Variants in PTTG1IP observed in about 807,000 individuals in gnomAD.
PTTG1IP encodes pituitary tumor-transforming gene 1 protein-interacting protein.
PTTG1IP carries 16 observed loss-of-function variants against 24.4 expected under a neutral mutation model. The ratio of observed to expected loss-of-function variants is 0.66; its 90% CI spans 0.44 to 1.00. The LOEUF is 1.00. PTTG1IP is among the 50% of genes least tolerant of loss of function. PTTG1IP has a pLI of 0.00. For missense variants in PTTG1IP, 241 were observed against 245.8 expected (o/e 0.98, Z 0.13); for synonymous variants, 89 against 96.8 (o/e 0.92, Z 0.47).
At position 44,873,607 on chromosome 21, in the gene PTTG1IP, CG is replaced by C; in HGVS notation, c.9del (p.Gly4GlufsTer49). The C allele has an allele frequency of 7.0e-7, 1 of 1,436,240 alleles. No homozygotes were observed. Among genetic ancestry groups the C allele is most frequent in the Non-Finnish European group, 9.1e-7 (1 of 1,096,976 alleles). The allele number at this position is 1,436,240 out of a possible 1,614,324, so 89.0% of individuals were successfully genotyped here. On this transcript the variant is annotated frameshift_variant, in exon 1 of 6. Coordinates refer to ENST00000330938, the MANE Select transcript of PTTG1IP (RefSeq NM_004339.4). LOFTEE classifies it high-confidence loss of function. Reference protein sequence around the residue: MAPGVARGPTPYW... With the variant: MAXGVARGPTPYW... Reference sequence around the variant, plus strand: ...TACGGCGTCGGCCCGCGGGCCACTCCGGGCGCCATGGTCGGCCGGTCGCTCT... The same window carrying C: ...TACGGCGTCGGCCCGCGGGCCACTCCGGCGCCATGGTCGGCCGGTCGCTCT...
chr21:44,858,778 A>G (rs1295079479), intron 3 of PTTG1IP, among the ~76,000 whole-genome samples: 1 of 152,228 alleles, frequency 6.6e-6, no homozygotes, highest in Non-Finnish European at 1.5e-5. Flanking sequence ...GGTGCTCAGC[A>G]CGATCGGCTA....
chr21:44,872,486 A>C (rs1178136752), intron 1 of PTTG1IP, among the ~76,000 whole-genome samples: 1 of 152,120 alleles, frequency 6.6e-6, no homozygotes, highest in Non-Finnish European at 1.5e-5. Context: ...CAGGAAACTG[A>C]AGTTAAGGTG....
intron 2 of PTTG1IP, among the ~76,000 whole-genome samples, chr21:44,864,994 C>T (rs1036047288): frequency 6.6e-6 from 1 of 152,222 alleles, no homozygotes; most frequent in Non-Finnish European, 1.5e-5. Context: ...TGCTGTGCCC[C>T]TTCCAATCCT....
Position 44,851,620 on chromosome 21 carries a change from A to G in PTTG1IP, c.504T>C (p.Phe168=), listed in dbSNP as rs1311534111. 10 of 1,580,116 alleles carry G rather than the reference A, an allele frequency of 6.3e-6. No homozygotes were observed. Among genetic ancestry groups the G allele is most frequent in the Admixed American group, 1.7e-5 (1 of 57,460 alleles). The change falls in exon 6 of 6, where the codon TTT becomes TTC. Residue 168 remains phenylalanine, a synonymous_variant. Transcript: ENST00000330938. ...ATCTAGCATACGGGTTTTCTTCTTT[A>G]AACAGGCCTGAAACAAAATAAACTT... ...HDEIRKKYGL[F]KEENPYARFE...
rs763391664 is a variant in PTTG1IP, at chr21:44,856,327, G to A, written c.315C>T (p.Val105=). 6.4e-5 allele frequency: 104 copies of A among 1,613,892 alleles called. No homozygotes were observed. Among genetic ancestry groups the A allele is most frequent in the Non-Finnish European group, 8.3e-5 (98 of 1,179,946 alleles). ...FEALIITMSV[V]GGTLLLGIAI... ...CAATGCCCAGGAGGAGGGTTCCCCC[G>A]ACTACCGACATGGTGATGATCAGCG... The change falls in exon 4 of 6, where the codon GTC becomes GTT. Residue 105 remains valine (V), a synonymous_variant. Coordinates refer to ENST00000330938, the MANE Select transcript of PTTG1IP (RefSeq NM_004339.4).
chr21:44,867,588 G>C (rs910323248), intron 1 of PTTG1IP, among the ~76,000 whole-genome samples: 4 of 152,240 alleles, frequency 2.6e-5, no homozygotes, highest in East Asian at 3.8e-4. Flanking sequence ...CTGAACTCTG[G>C]TCCCTGACAG....
chr21:44,860,229 C>T (rs905388293), intron 3 of PTTG1IP, among the ~76,000 whole-genome samples: 7 of 152,082 alleles, frequency 4.6e-5, no homozygotes, highest in Non-Finnish European at 5.9e-5. Context: ...ATTAGCCGGA[C>T]GTGGTGGCGG....
chr21:44,873,658 C>G lies in PTTG1IP; in HGVS notation c.-42G>C. 1 of 1,335,100 alleles carries G rather than the reference C, an allele frequency of 7.5e-7. No individual in the cohort carries two copies. Among genetic ancestry groups the G allele is most frequent in the South Asian group, 1.8e-5 (1 of 55,802 alleles). 82.7% of individuals were successfully genotyped at this position (1,335,100 alleles called of 1,614,324 possible). A position where few individuals can be genotyped will look rare whatever the true frequency, so the allele number is the denominator to read the frequency against. The stretch of plus-strand genomic sequence containing the variant: ...TATCAGTCAGTGGAGCGTTACAACT[C>G]CGACTCCAGCACAAGCGGTCTCCGC... On this transcript the variant is annotated 5_prime_UTR_variant, in exon 1 of 6. Transcript: ENST00000330938.
chr21:44,866,680 A>AAC (rs34646417), intron 1 of PTTG1IP, among the ~76,000 whole-genome samples: 24,368 of 144,900 alleles, frequency 0.17, 2,244 homozygotes, highest in South Asian at 0.29. Flanking sequence ...CCAATCCCAT[A>AAC]ACACACACAC....
At chr21:44,872,213 AG>A (rs2083592446) in intron 1 of PTTG1IP, among the ~76,000 whole-genome samples, 1 of 152,240 alleles carries the variant, frequency 6.6e-6, no homozygotes, top group Non-Finnish European at 1.5e-5. Context: ...CTGGGCCAAA[AG>A]TTCCCAGTAC....
intron 5 of PTTG1IP, among the ~76,000 whole-genome samples, chr21:44,853,731 C>G (rs934981441): frequency 1.3e-5 from 2 of 151,958 alleles, no homozygotes; most frequent in African/African-American, 2.4e-5. Flanking sequence ...CGGGAAACAA[C>G]AGGCGACAGA....
chr21:44,862,264 T>C (rs1386780711), intron 2 of PTTG1IP, among the ~76,000 whole-genome samples: 1 of 152,224 alleles, frequency 6.6e-6, no homozygotes, highest in African/African-American at 2.4e-5. Flanking sequence ...CTCACGCCTG[T>C]AATCCCAGCA....
At chr21:44,869,534 G>A (rs931009648) in intron 1 of PTTG1IP, among the ~76,000 whole-genome samples, 6 of 152,156 alleles carry the variant, frequency 3.9e-5, no homozygotes, top group East Asian at 3.9e-4. Flanking sequence ...CCTGGCCTCC[G>A]GCAATCCTCC....
intron 2 of PTTG1IP, among the ~76,000 whole-genome samples, chr21:44,863,018 GAAGT>G (rs1388889291): frequency 6.6e-6 from 1 of 151,308 alleles, no homozygotes; most frequent in African/African-American, 2.5e-5. Flanking sequence ...TCTGATCGAT[GAAGT>G]AATATGCACA....
intron 2 of PTTG1IP, among the ~76,000 whole-genome samples, chr21:44,863,625 A>T (rs2083511668): frequency 6.6e-6 from 1 of 152,134 alleles, no homozygotes; most frequent in Non-Finnish European, 1.5e-5. Flanking sequence ...GCAAAAACGC[A>T]CTCTAGGCTA....
In PTTG1IP at chr21:44,856,197, C is replaced by G. The variant is rs2083448158; in HGVS notation, c.445G>C (p.Glu149Gln). 2.5e-6 allele frequency: 4 copies of G among 1,614,168 alleles called. No individual in the cohort carries two copies. Among genetic ancestry groups the G allele is most frequent in the Non-Finnish European group, 3.4e-6 (4 of 1,180,010 alleles). Residue 149 changes from glutamate to glutamine, a missense_variant, in exon 4 of 6, where the codon GAA (glutamate) becomes CAA (glutamine). By Grantham distance (29) the Glu-to-Gln change is conservative. Coordinates refer to ENST00000330938, the MANE Select transcript of PTTG1IP (RefSeq NM_004339.4). ...EREERRIRQEERRAEMKTRHD... is the reference protein window; with the variant it reads ...EREERRIRQEQRRAEMKTRHD... Reference sequence around the variant, plus strand: ...CGGGCATCACCACCACCTCACCGTTCCTCCTGCCGTATCCGCCTCTCCTCC... The same window carrying G: ...CGGGCATCACCACCACCTCACCGTTGCTCCTGCCGTATCCGCCTCTCCTCC...
At position 44,850,530 on chromosome 21, in the gene PTTG1IP, C is replaced by A. The variant is rs1212466814; in HGVS notation, c.*1051G>T. ...CCATGAGGCAGAAGGAGCACCAGCGCCTGCTGGGTGGTGTGGGGAGAGCCC... is the reference window on the plus strand; with the variant it reads ...CCATGAGGCAGAAGGAGCACCAGCGACTGCTGGGTGGTGTGGGGAGAGCCC... On this transcript the variant is annotated 3_prime_UTR_variant, in exon 6 of 6. Coordinates refer to ENST00000330938, the MANE Select transcript of PTTG1IP (RefSeq NM_004339.4). 1 of 152,332 alleles carries A rather than the reference C, an allele frequency of 6.6e-6. No individual in the cohort carries two copies. Among genetic ancestry groups the A allele is most frequent in the Non-Finnish European group, 1.5e-5 (1 of 68,104 alleles). The allele number at this position is 152,332 out of a possible 1,614,324, so 9.4% of individuals were successfully genotyped here. A position where few individuals can be genotyped will look rare whatever the true frequency, so the allele number is the denominator to read the frequency against.
At chr21:44,860,229 C>A (rs905388293) in intron 3 of PTTG1IP, among the ~76,000 whole-genome samples, 1 of 152,082 alleles carries the variant, frequency 6.6e-6, no homozygotes, top group East Asian at 1.9e-4. Context: ...ATTAGCCGGA[C>A]GTGGTGGCGG....
intron 5 of PTTG1IP, among the ~76,000 whole-genome samples, chr21:44,854,876 C>A (rs925456799): frequency 2.0e-5 from 3 of 152,194 alleles, no homozygotes; most frequent in African/African-American, 7.2e-5. Flanking sequence ...ACTCACAGCA[C>A]CTCGGCTACG....
Sources: gnomAD v4.1 joint callset for allele counts (sites outside exome capture counted in the v4.1 genomes callset) on GRCh38, gnomAD v4.1.1 for gene constraint, MANE v1.5 for transcripts, NCBI Gene and HGNC (gene_info 2026-07-23, HGNC 2026-07-21) for gene names.